Variants in CWC22 observed in about 807,000 individuals in gnomAD.
CWC22 encodes pre-mRNA-splicing factor CWC22 homolog.
CWC22 carries 53 observed loss-of-function variants against 117.2 expected under a neutral mutation model. The ratio of observed to expected loss-of-function variants is 0.45; its 90% confidence interval spans 0.36 to 0.57. The LOEUF (loss-of-function observed/expected upper bound fraction) is 0.57, where lower values mean the gene tolerates loss of function less well. Among genes scored for constraint, CWC22 ranks in the 20% least tolerant of loss-of-function variants. The probability of loss-of-function intolerance (pLI) is 0.00; values close to 1 mark genes in which losing one functional copy is unlikely to be tolerated. For missense variants in CWC22, 980 were observed against 1,068.8 expected, an observed-to-expected ratio of 0.92 and a Z score of 1.16; for synonymous variants, 360 against 355.6, an observed-to-expected ratio of 1.01 and a Z score of -0.14.
chr2:179,977,170 T>TA (rs879840212), intron 6 of CWC22, among the ~76,000 whole-genome samples: 1 of 151,898 alleles, frequency 6.6e-6, no homozygotes, highest in Non-Finnish European at 1.5e-5. Flanking sequence ...TAAATCAATA[T>TA]AAAAAAAATT....
chr2:180,003,609 C>G (rs1687898125), intron 1 of CWC22, among the ~76,000 whole-genome samples: 1 of 152,188 alleles, frequency 6.6e-6, no homozygotes, highest in Admixed American at 6.5e-5. Flanking sequence ...GCACTGCATT[C>G]TACTACAGAG....
intron 8 of CWC22, among the ~76,000 whole-genome samples, chr2:179,972,865 C>T (rs993923361): frequency 7.9e-5 from 12 of 151,812 alleles, no homozygotes; most frequent in Non-Finnish European, 8.8e-5. Flanking sequence ...AAAAACTAGC[C>T]GGGCGTGGTG....
At chr2:180,002,274 A>C (rs1029330628) in intron 1 of CWC22, among the ~76,000 whole-genome samples, 1 of 152,164 alleles carries the variant, frequency 6.6e-6, no homozygotes, top group Non-Finnish European at 1.5e-5. Context: ...TAAGTCACCA[A>C]ATCCTACTGA....
intron 1 of CWC22, among the ~76,000 whole-genome samples, chr2:180,003,005 AATTAAATAAAAAACG>A (rs1049164270): frequency 4.6e-5 from 7 of 152,208 alleles, no homozygotes; most frequent in African/African-American, 1.4e-4. Context: ...CCAAGTCTAA[AATTAAATAAAAAACG>A]GGGAGTGTAG....
In CWC22 at chr2:179,965,930, A is replaced by C. The variant is rs1686877883; in HGVS notation, c.1263T>G (p.Ser421Arg). 4 of 1,609,008 alleles carry C rather than the reference A, an allele frequency of 2.5e-6. No individual in the cohort carries two copies. The African/African-American group carries it at 4.0e-5, about 16-fold the overall frequency. ...TDSNTDQDAG[S>R]SEEDEEEEEE... ...CTTCTTCTTCCTCGTCCTCTTCACT[A>C]CTCCCAGCATCCTGGTCTGTGTTCG... Residue 421 changes from serine to arginine, a missense_variant, in exon 12 of 20, where the codon AGT (serine) becomes AGG (arginine). Physicochemically the swap from Ser to Arg is moderately radical, Grantham distance 110. Coordinates refer to ENST00000410053, the MANE Select transcript of CWC22 (RefSeq NM_020943.3).
chr2:179,978,229 A>C lies in CWC22; in HGVS notation c.542T>G (p.Ile181Ser). The C allele has an allele frequency of 6.4e-7, 1 of 1,569,896 alleles. No homozygotes were observed. The highest frequency in any genetic ancestry group is 8.6e-7 in the Non-Finnish European group (1 of 1,161,176). Residue 181 changes from isoleucine to serine, a missense_variant, in exon 6 of 20, where the codon ATT (isoleucine) becomes AGT (serine). By Grantham distance (142) the Ile-to-Ser change is moderately radical (BLOSUM62 -2). Around this residue, in one of 3 missense-constraint regions of CWC22, gnomAD observed 559 missense variants for 602.3 expected, o/e 0.93. Transcript: ENST00000410053. Reference protein sequence around the residue: ...NKVNISNISIIIQELLQENIV... With the variant: ...NKVNISNISISIQELLQENIV... ...ATTTTCTTGAAGAAGCTCTTGAATA[A>C]TAATACTTATGTTGGAAATGTTGAC...
intron 1 of CWC22, among the ~76,000 whole-genome samples, chr2:180,003,835 C>T (rs1003032245): frequency 1.3e-5 from 2 of 152,324 alleles, no homozygotes; most frequent in Non-Finnish European, 2.9e-5. Context: ...CAAGGCAGCC[C>T]ATACCCCGTT....
At chr2:179,984,755 T>C (rs1020593251) in intron 4 of CWC22, among the ~76,000 whole-genome samples, 5 of 152,056 alleles carry the variant, frequency 3.3e-5, no homozygotes, top group Non-Finnish European at 7.4e-5. Context: ...ATGAAAATGG[T>C]TGTTACAGAG....
intron 11 of CWC22, among the ~76,000 whole-genome samples, chr2:179,969,944 T>C (rs1296746466): frequency 6.6e-6 from 1 of 152,134 alleles, no homozygotes; most frequent in Non-Finnish European, 1.5e-5. Context: ...ACAAGTAACT[T>C]GCTACAGGTC....
rs767939410 is a variant in CWC22 at position 179,954,975 on chromosome 2, A to G, written c.1518T>C (p.Phe506=). ...AACTCACCCCAGCTAATAAGCCAAA[A>G]AATTTTTCGTATGTCCTCTGTTGGG... ...CCAQQRTYEK[F]FGLLAGRFCM... The change falls in exon 15 of 20, where the codon TTT becomes TTC. Residue 506 remains phenylalanine, a synonymous_variant. Coordinates refer to ENST00000410053, the MANE Select transcript of CWC22 (RefSeq NM_020943.3). The G allele has an allele frequency of 5.2e-5, 83 of 1,599,240 alleles. No individual in the cohort carries two copies. The Admixed American group carries it at 1.3e-3, about 26-fold the overall frequency.
chr2:180,006,607 AAG>A (rs1170431797), intron 1 of CWC22, among the ~76,000 whole-genome samples: 1 of 152,248 alleles, frequency 6.6e-6, no homozygotes, highest in Non-Finnish European at 1.5e-5. Flanking sequence ...CAAGAGGCAT[AAG>A]AGTGCAAGTA....
chr2:179,994,865 T>C (rs749606501), intron 1 of CWC22, among the ~76,000 whole-genome samples: 3 of 152,158 alleles, frequency 2.0e-5, no homozygotes, highest in African/African-American at 4.8e-5. Context: ...TTAAAGTTTA[T>C]CAGCACTTTG....
rs558142469 is a variant in CWC22 at position 179,967,212 on chromosome 2, T to C, written c.1211-1230A>G. On this transcript the variant is annotated intron_variant, in intron 11 of 19. Transcript: ENST00000410053. ...AATTACTAAAGCTGTGCCCACTTCC[T>C]GCTGGGGCCATTTTTTTATGCCAGC... is the stretch of plus-strand genomic sequence containing the variant. Among the ~76,000 whole-genome samples the C allele has an allele frequency of 2.8e-3, 426 of 152,346 alleles. 3 individuals are homozygous for C. The highest frequency in any genetic ancestry group is 0.024 in the Middle Eastern group (7 of 294).
chr2:179,973,745 A>G lies in CWC22; in HGVS notation c.639T>C (p.His213=), dbSNP rs776273443. Residue 213 remains histidine, a synonymous_variant, in exon 7 of 20, where the codon CAT becomes CAC. Transcript: ENST00000410053. ...TAATTGCCACTAATGCTGCATAAAC[A>G]TGGGTGAAGATTGGAGAAGCACTCT... ...QAQSASPIFT[H]VYAALVAIIN... 8 of 1,611,482 alleles carry G rather than the reference A, an allele frequency of 5.0e-6. No homozygotes were observed. The South Asian group carries it at 6.6e-5, about 13-fold the overall frequency.
intron 8 of CWC22, among the ~76,000 whole-genome samples, chr2:179,972,130 C>T (rs978028735): frequency 4.6e-5 from 7 of 152,030 alleles, no homozygotes; most frequent in African/African-American, 1.7e-4. Context: ...AATATGATGA[C>T]TAATTAGGTC....
At chr2:179,975,433 T>C (rs1297994600) in intron 6 of CWC22, among the ~76,000 whole-genome samples, 1 of 152,172 alleles carries the variant, frequency 6.6e-6, no homozygotes, top group Non-Finnish European at 1.5e-5. Context: ...CTAGAAGTCC[T>C]AGCCAGAGCC....
chr2:180,002,661 C>T (rs997760497), intron 1 of CWC22, among the ~76,000 whole-genome samples: 1 of 152,066 alleles, frequency 6.6e-6, no homozygotes, highest in East Asian at 1.9e-4. Flanking sequence ...AGTGCTACAA[C>T]AATGTCATAA....
intron 1 of CWC22, among the ~76,000 whole-genome samples, chr2:180,005,608 C>T (rs1018661780): frequency 1.3e-5 from 2 of 151,998 alleles, no homozygotes; most frequent in Non-Finnish European, 2.9e-5. Flanking sequence ...AAACAAAAAA[C>T]AACTGGAAGG....
At chr2:179,982,402 T>C (rs1048308915) in intron 4 of CWC22, among the ~76,000 whole-genome samples, 1 of 152,168 alleles carries the variant, frequency 6.6e-6, no homozygotes, top group South Asian at 2.1e-4. Flanking sequence ...TTAAGGTTTT[T>C]ATACTGGAGG....
Sources: allele counts gnomAD v4.1 joint callset (sites outside exome capture counted in the v4.1 genomes callset), GRCh38; gene constraint gnomAD v4.1.1; regional missense constraint gnomAD v4.1.1; transcripts MANE v1.5; gene names NCBI Gene and HGNC (gene_info 2026-07-23, HGNC 2026-07-21).